The following CSMD1 variants were observed in gnomAD, a reference collection of about 807,000 sequenced individuals.
CSMD1 encodes CUB and sushi domain-containing protein 1.
In CSMD1, 213 loss-of-function variants were observed where a neutral mutation model predicts 417.5. The observed-to-expected ratio is 0.51, with a 90% CI of 0.46 to 0.57. CSMD1 has a LOEUF of 0.57. CSMD1 is among the 20% of genes least tolerant of loss of function. The pLI, the probability that CSMD1 is intolerant of heterozygous loss-of-function variation, is 0.00. For missense variants in CSMD1, 6,923 were observed against 4,529.7 expected (o/e 1.53, Z -15.17); for synonymous variants, 2,862 against 1,736.8 (o/e 1.65, Z -16.11).
chr8:4,108,499 T>C (rs1473019164), intron 3 of CSMD1, among the ~76,000 whole-genome samples: 2 of 152,194 alleles, frequency 1.3e-5, no homozygotes, highest in African/African-American at 4.8e-5. Context: ...ATTGCTCTTA[T>C]AAATGCAGTT....
At chr8:3,736,518 C>T (rs759631632) in intron 6 of CSMD1, among the ~76,000 whole-genome samples, 6 of 152,166 alleles carry the variant, frequency 3.9e-5, no homozygotes, top group Non-Finnish European at 2.9e-5. Flanking sequence ...TTGCTGGGAT[C>T]ACTGGTGTGG....
At chr8:3,805,291 C>G (rs1800669970) in intron 5 of CSMD1, among the ~76,000 whole-genome samples, 1 of 152,118 alleles carries the variant, frequency 6.6e-6, no homozygotes, top group South Asian at 2.1e-4. Flanking sequence ...AGGAAGGAGC[C>G]ACAGATTCCA....
chr8:3,088,030 T>C (rs1049811243), intron 48 of CSMD1, among the ~76,000 whole-genome samples: 1 of 152,222 alleles, frequency 6.6e-6, no homozygotes, highest in Non-Finnish European at 1.5e-5. Flanking sequence ...ATTAACCTTC[T>C]TTTTTAGCAT....
chr8:4,283,932 C>T (rs1796922893), intron 3 of CSMD1, among the ~76,000 whole-genome samples: 1 of 152,132 alleles, frequency 6.6e-6, no homozygotes, highest in Non-Finnish European at 1.5e-5. Context: ...CTGGACACAC[C>T]ATTATTAACA....
Position 3,290,577 on chromosome 8 carries a change from C to G in CSMD1, c.3951-6231G>C, listed in dbSNP as rs894432290. Among the ~76,000 whole-genome samples the G allele has an allele frequency of 1.9e-4, 28 of 146,538 alleles. 3 individuals are homozygous for G. Among genetic ancestry groups the G allele is most frequent in the African/African-American group, 6.6e-4 (24 of 36,534 alleles). The stretch of plus-strand genomic sequence containing the variant: ...GTTGGATTGCTAGGTATTTTGTTCT[C>G]TTTGAAGCAATTGTGAATGGGAGTT... On this transcript the variant is annotated intron_variant, in intron 25 of 69. Transcript: ENST00000635120.
intron 3 of CSMD1, among the ~76,000 whole-genome samples, chr8:4,344,775 A>T (rs1038498369): frequency 6.6e-6 from 1 of 152,172 alleles, no homozygotes; most frequent in Non-Finnish European, 1.5e-5. Flanking sequence ...AGATAAAAAC[A>T]TGTTTACCAG....
chr8:3,251,713 ATTTG>A (rs1297418506), intron 26 of CSMD1, among the ~76,000 whole-genome samples: 2 of 152,116 alleles, frequency 1.3e-5, no homozygotes, highest in African/African-American at 2.4e-5. Flanking sequence ...ATGTTCTTCC[ATTTG>A]TTTGTCTCCT....
intron 1 of CSMD1, among the ~76,000 whole-genome samples, chr8:4,764,684 TAA>T (rs35513756): frequency 6.9e-4 from 99 of 143,026 alleles, no homozygotes; most frequent in South Asian, 5.1e-3. Flanking sequence ...AAAAATTTGT[TAA>T]AAAAAAAAAA....
intron 2 of CSMD1, among the ~76,000 whole-genome samples, chr8:4,478,036 A>G (rs1463450352): frequency 6.6e-6 from 1 of 152,114 alleles, no homozygotes; most frequent in Non-Finnish European, 1.5e-5. Context: ...ATTCACTTTC[A>G]TCTCCTCTGT....
chr8:3,920,976 G>A (rs1399137221), intron 5 of CSMD1, among the ~76,000 whole-genome samples: 1 of 151,982 alleles, frequency 6.6e-6, no homozygotes, highest in Non-Finnish European at 1.5e-5. Flanking sequence ...GGGTACTGCT[G>A]GCCTCATAAA....
intron 1 of CSMD1, among the ~76,000 whole-genome samples, chr8:4,864,097 T>C (rs1251122814): frequency 6.6e-6 from 1 of 151,968 alleles, no homozygotes; most frequent in Non-Finnish European, 1.5e-5. Flanking sequence ...TAACTCAGTC[T>C]ATAAAATTAT....
At chr8:4,765,688 G>A (rs932305717) in intron 1 of CSMD1, among the ~76,000 whole-genome samples, 1 of 152,216 alleles carries the variant, frequency 6.6e-6, no homozygotes, top group Admixed American at 6.5e-5. Context: ...AAACGAAGGA[G>A]TGGCTAATTC....
intron 56 of CSMD1, 54 bp from the exon 57 acceptor site, chr8:2,973,353 G>A: frequency 6.5e-7 from 1 of 1,548,770 alleles, no homozygotes; most frequent in Non-Finnish European, 8.8e-7. Context: ...CTTGTTTTAA[G>A]CAGAGTTGTC....
At chr8:3,994,066 G>A (rs2130307084) in intron 5 of CSMD1, among the ~76,000 whole-genome samples, 1 of 152,298 alleles carries the variant, frequency 6.6e-6, no homozygotes, top group South Asian at 2.1e-4. Context: ...GCTTGGGAAG[G>A]CACACTGAGG....
intron 3 of CSMD1, among the ~76,000 whole-genome samples, chr8:4,225,059 C>G (rs1585053118): frequency 6.6e-6 from 1 of 152,186 alleles, no homozygotes; most frequent in African/African-American, 2.4e-5. Context: ...TTGCAGTGAG[C>G]TGACATCACA....
At chr8:4,586,049 G>A (rs543502238) in intron 2 of CSMD1, among the ~76,000 whole-genome samples, 165 of 152,160 alleles carry the variant, frequency 1.1e-3, no homozygotes, top group Middle Eastern at 6.8e-3. Flanking sequence ...ATGGTTGTAC[G>A]TATACATGGA....
chr8:3,448,422 A>G (rs13274643), intron 12 of CSMD1, among the ~76,000 whole-genome samples: 697 of 20,238 alleles, frequency 0.034, 70 homozygotes, highest in African/African-American at 0.049. Flanking sequence ...AAGGAAGGGA[A>G]GGAAGAAGGA....
chr8:3,745,407 T>G (rs11780228), intron 6 of CSMD1, among the ~76,000 whole-genome samples: 32,264 of 152,024 alleles, frequency 0.21, 3,986 homozygotes, highest in South Asian at 0.38. Flanking sequence ...TTCTTCAAAA[T>G]TGCTCTGACA....
At chr8:4,024,022 C>G (rs1369700221) in intron 4 of CSMD1, among the ~76,000 whole-genome samples, 2 of 151,924 alleles carry the variant, frequency 1.3e-5, no homozygotes, top group Non-Finnish European at 2.9e-5. Context: ...TGCAAAGGTT[C>G]TATTGCAATT....
Sources: gnomAD v4.1 joint callset for allele counts (sites outside exome capture counted in the v4.1 genomes callset) on GRCh38, gnomAD v4.1.1 for gene constraint, MANE v1.5 for transcripts, NCBI Gene and HGNC (gene_info 2026-07-23, HGNC 2026-07-21) for gene names.